The following SVOP variants were observed in gnomAD, a reference collection of about 807,000 sequenced individuals.
The protein encoded by SVOP is synaptic vesicle 2-related protein.
Under a neutral mutation model 69.1 loss-of-function variants are expected in SVOP, and 17 were observed. The observed-to-expected ratio is 0.25, with a 90% CI of 0.17 to 0.37. SVOP has a LOEUF of 0.37. SVOP is among the 10% of genes least tolerant of loss of function. The pLI is 1.00. For synonymous variants in SVOP, 238 were observed against 238.6 expected, an observed-to-expected ratio of 1.00 and a Z score of 0.02; for missense variants, 435 against 597.5, an observed-to-expected ratio of 0.73 and a Z score of 2.84.
rs1461288699 is a variant in SVOP at position 108,981,303 on chromosome 12, TCA to T, written c.196+2296_196+2297del. The stretch of plus-strand genomic sequence containing the variant: ...GGAGGATATGGACTTGCCCTGTGTT[TCA>T]CAGAGTTGGGAGTAGAGCCCAGATC... On this transcript the variant is annotated intron_variant, in intron 2 of 15. Coordinates refer to ENST00000610966, the MANE Select transcript of SVOP (RefSeq NM_018711.5). 4.9e-4 allele frequency among the ~76,000 whole-genome samples: 74 copies of T among 152,318 alleles called. 1 individual carries two copies. In the East Asian group the frequency reaches 0.013, roughly 26 times the overall value.
rs543071176 is a variant in SVOP, at chr12:108,991,534, C to A, written c.36-7773G>T. 4.6e-5 allele frequency among the ~76,000 whole-genome samples: 7 copies of A among 152,230 alleles called. No homozygotes were observed. In the South Asian group the frequency reaches 1.4e-3, roughly 32 times the overall value. On this transcript the variant is annotated intron_variant, in intron 1 of 15. Coordinates refer to ENST00000610966, the MANE Select transcript of SVOP (RefSeq NM_018711.5). ...GCAGTATCCTGATCTTGGCTCACAG[C>A]AACCTCTGCCTCCCGAGTTCAAGCA...
intron 1 of SVOP, among the ~76,000 whole-genome samples, chr12:108,997,400 G>T (rs1263757599): frequency 4.6e-5 from 7 of 151,184 alleles, no homozygotes; most frequent in Admixed American, 2.0e-4. Context: ...GCCCGCCATT[G>T]CCCAGGCTTG....
At chr12:108,991,784 C>CGA (rs1555252750) in intron 1 of SVOP, among the ~76,000 whole-genome samples, 1 of 147,770 alleles carries the variant, frequency 6.8e-6, no homozygotes, top group South Asian at 2.1e-4. Context: ...CAAAAAAAAA[C>CGA]AAAAAAAAAA....
At chr12:108,949,147 T>A in intron 6 of SVOP, among the ~76,000 whole-genome samples, 1 of 152,202 alleles carries the variant, frequency 6.6e-6, no homozygotes, top group East Asian at 1.9e-4. Flanking sequence ...AATCTCATTG[T>A]AAAATAATTT....
At chr12:108,953,770 T>C (rs962074463) in intron 6 of SVOP, among the ~76,000 whole-genome samples, 1 of 152,140 alleles carries the variant, frequency 6.6e-6, no homozygotes, top group Non-Finnish European at 1.5e-5. Flanking sequence ...GCTAAATATT[T>C]CTTCTGCAAT....
rs2040255524 is a variant in SVOP at position 108,999,437 on chromosome 12, G to T, written c.36-15676C>A. Among the ~76,000 whole-genome samples, 4 of 145,582 alleles carry T rather than the reference G, an allele frequency of 2.7e-5. No homozygotes were observed. The South Asian group carries it at 6.8e-4, about 25-fold the overall frequency. On this transcript the variant is annotated intron_variant, in intron 1 of 15. Coordinates refer to ENST00000610966, the MANE Select transcript of SVOP (RefSeq NM_018711.5). ...AAGTCAACAAGGATACCCAGGAATT[G>T]AACTCAGCTCTGCACCAAGCAGACC...
chr12:108,919,472 C>T (rs1208621265), intron 13 of SVOP, among the ~76,000 whole-genome samples: 4 of 151,864 alleles, frequency 2.6e-5, no homozygotes, highest in African/African-American at 9.7e-5. Flanking sequence ...CCTGGGTCTG[C>T]ACCCATACCT....
At chr12:108,931,812 G>A (rs1308553103) in intron 11 of SVOP, among the ~76,000 whole-genome samples, 3 of 145,186 alleles carry the variant, frequency 2.1e-5, no homozygotes, top group African/African-American at 7.5e-5. Flanking sequence ...CCAGCCTGGC[G>A]ACTGAGCGAG....
At chr12:108,945,960 T>C (rs1051811669) in intron 6 of SVOP, among the ~76,000 whole-genome samples, 1 of 152,232 alleles carries the variant, frequency 6.6e-6, no homozygotes, top group African/African-American at 2.4e-5. Flanking sequence ...TGATTAAGAA[T>C]ATTTCCCCTT....
At chr12:108,968,744 T>TTG (rs554473073) in intron 5 of SVOP, among the ~76,000 whole-genome samples, 2,947 of 149,742 alleles carry the variant, frequency 0.02, 42 homozygotes, top group South Asian at 0.036. Flanking sequence ...TGTTTGTCTT[T>TTG]TGTGTGTGTG....
intron 15 of SVOP, among the ~76,000 whole-genome samples, chr12:108,915,162 G>A (rs2039705792): frequency 1.5e-5 from 2 of 133,628 alleles, no homozygotes; most frequent in South Asian, 2.7e-4. Context: ...GACAAAGCGA[G>A]ACTCCATCCC....
chr12:108,915,278 C>A (rs1160721130), intron 15 of SVOP, among the ~76,000 whole-genome samples: 1 of 152,008 alleles, frequency 6.6e-6, no homozygotes, highest in African/African-American at 2.4e-5. Flanking sequence ...TACAAATGAC[C>A]CCATCCCCAG....
At chr12:108,989,340 GC>G (rs1269739693) in intron 1 of SVOP, among the ~76,000 whole-genome samples, 48 of 152,306 alleles carry the variant, frequency 3.2e-4, no homozygotes, top group Middle Eastern at 6.8e-3. Flanking sequence ...CTCCCGAAGT[GC>G]TGGGATTAGG....
chr12:108,913,667 T>A (rs563436011), intron 15 of SVOP, among the ~76,000 whole-genome samples: 4 of 152,274 alleles, frequency 2.6e-5, no homozygotes, highest in Admixed American at 2.6e-4. Flanking sequence ...TCTTTTCTTT[T>A]GAGATGTAGT....
intron 6 of SVOP, among the ~76,000 whole-genome samples, chr12:108,947,433 G>T (rs151047105): frequency 6.6e-6 from 1 of 151,920 alleles, no homozygotes; most frequent in Non-Finnish European, 1.5e-5. Flanking sequence ...ATTTAAAAAC[G>T]AGTTCATACT....
At chr12:109,007,324 C>T (rs1458965469) in intron 1 of SVOP, among the ~76,000 whole-genome samples, 1 of 152,202 alleles carries the variant, frequency 6.6e-6, no homozygotes, top group Non-Finnish European at 1.5e-5. Flanking sequence ...TGCTTTGTCT[C>T]CTTCAAGACA....
intron 1 of SVOP, among the ~76,000 whole-genome samples, chr12:108,995,743 A>C (rs1451515546): frequency 6.6e-6 from 1 of 151,966 alleles, no homozygotes; most frequent in Non-Finnish European, 1.5e-5. Context: ...TCTACTGAAA[A>C]TACAAAAATT....
chr12:109,010,807 T>C (rs767027685), intron 1 of SVOP, among the ~76,000 whole-genome samples: 13 of 151,910 alleles, frequency 8.6e-5, no homozygotes, highest in Middle Eastern at 3.2e-3. Flanking sequence ...TGGCCCAAAC[T>C]GTTCCCCTTA....
intron 2 of SVOP, 111 bp from the exon 3 acceptor site, chr12:108,978,774 C>G: frequency 1.6e-6 from 1 of 618,854 alleles, no homozygotes; most frequent in Middle Eastern, 2.6e-4. Context: ...ACAGCACATG[C>G]TGCTTTTAGA....
Sources: gnomAD v4.1 joint callset for allele counts (sites outside exome capture counted in the v4.1 genomes callset) on GRCh38, gnomAD v4.1.1 for gene constraint, MANE v1.5 for transcripts, NCBI Gene and HGNC (gene_info 2026-07-23, HGNC 2026-07-21) for gene names.